TMEM181: variants seen among roughly 807,000 people sequenced by gnomAD.
TMEM181 encodes the protein G protein-coupled receptor 178.
TMEM181 carries 39 observed loss-of-function variants against 71.9 expected under a neutral mutation model. The observed-to-expected ratio is 0.54, with a 90% confidence interval of 0.42 to 0.71. The LOEUF is 0.71. Ranked by LOEUF, TMEM181 falls within the 30% of genes least tolerant of loss-of-function variation. The pLI is 0.00. For missense variants in TMEM181, 595 were observed against 583.0 expected (o/e 1.02, Z -0.21); for synonymous variants, 245 against 228.8 (o/e 1.07, Z -0.64).
chr6:158,549,717 G>A (rs1237158683), intron 1 of TMEM181, among the ~76,000 whole-genome samples: 2 of 152,316 alleles, frequency 1.3e-5, no homozygotes, highest in Non-Finnish European at 2.9e-5. Context: ...ATTGCTTTGA[G>A]ATAATTATTT....
chr6:158,603,450 C>T (rs1461205383), intron 6 of TMEM181, among the ~76,000 whole-genome samples: 1 of 152,200 alleles, frequency 6.6e-6, no homozygotes, highest in East Asian at 1.9e-4. Context: ...TGCTCGCTGG[C>T]CCACTGCTCA....
intron 1 of TMEM181, among the ~76,000 whole-genome samples, chr6:158,570,289 G>T (rs1441699421): frequency 6.6e-6 from 1 of 150,728 alleles, no homozygotes; most frequent in Admixed American, 6.6e-5. Context: ...CTGGGGTGCA[G>T]TGGTGCAATC....
chr6:158,564,793 C>T lies in TMEM181; in HGVS notation c.8+4561C>T, dbSNP rs78650598. On this transcript the variant is annotated intron_variant, in intron 1 of 16. Coordinates refer to ENST00000684151, the MANE Select transcript of TMEM181 (RefSeq NM_001376852.1). ...GGAGCCAGGCTGTCAGGCAACAGGC[C>T]GGCATTTTGGGCCAAAGGAGAAGAG... Among the ~76,000 whole-genome samples, 23 of 152,190 alleles carry T rather than the reference C, an allele frequency of 1.5e-4. No individual in the cohort carries two copies. The East Asian group carries it at 3.5e-3, about 23-fold the overall frequency.
intron 1 of TMEM181, among the ~76,000 whole-genome samples, chr6:158,543,520 G>A (rs946145755): frequency 1.3e-5 from 2 of 152,228 alleles, no homozygotes; most frequent in Admixed American, 6.5e-5. Context: ...CCAGAAGTCC[G>A]AAATCCAGGT....
chr6:158,560,748 A>C (rs1782118682), intron 1 of TMEM181, among the ~76,000 whole-genome samples: 1 of 151,598 alleles, frequency 6.6e-6, no homozygotes, highest in African/African-American at 2.4e-5. Flanking sequence ...CTGCCGCAAC[A>C]GCCCCTTTGG....
upstream of TMEM181, chr6:158,559,934 C>T: frequency 2.3e-6 from 1 of 442,884 alleles, no homozygotes; most frequent in Non-Finnish European, 3.0e-6. Flanking sequence ...CAGGGCTAGC[C>T]TGGGTGCTCC....
Position 158,573,521 on chromosome 6 carries a change from GA to G in TMEM181, c.111del (p.Gly38AspfsTer4). 6.2e-7 allele frequency: 1 copy of G among 1,602,382 alleles called. No individual in the cohort carries two copies. Among genetic ancestry groups the G allele is most frequent in the Non-Finnish European group, 8.5e-7 (1 of 1,174,554 alleles). On this transcript the variant is annotated frameshift_variant and splice_region_variant, in exon 2 of 17. Coordinates refer to ENST00000684151, the MANE Select transcript of TMEM181 (RefSeq NM_001376852.1). LOFTEE classifies it high-confidence loss of function. ...GGCCTGACCATCTTCGTTGGGATCA[GA>G]GGTAAGGTTCGGTTTTTACTCATTG... ...CFGLTIFVGI[R>X]GPKVIQTSAA...
At chr6:158,556,942 G>A (rs928923032), upstream of TMEM181, among the ~76,000 whole-genome samples, 4 of 151,982 alleles carry the variant, frequency 2.6e-5, no homozygotes, top group African/African-American at 9.7e-5. Flanking sequence ...TTTGTATTTT[G>A]TTGGCCAAGC....
chr6:158,592,052 T>G (rs546772383), intron 6 of TMEM181, among the ~76,000 whole-genome samples: 21 of 152,308 alleles, frequency 1.4e-4, no homozygotes, highest in Admixed American at 1.1e-3. Flanking sequence ...GAGCCTCATT[T>G]CTGGTGGCAC....
rs1253396640 is a variant in TMEM181 at position 158,634,453 on chromosome 6, T to C, written c.*2565T>C. On this transcript the variant is annotated 3_prime_UTR_variant, in exon 17 of 17. Coordinates refer to ENST00000684151, the MANE Select transcript of TMEM181 (RefSeq NM_001376852.1). ...TAAAGGGCTGACTTTAGTTCCTTCA[T>C]GGTAATGGCTTGAGTAACATCATCT... is the stretch of plus-strand genomic sequence containing the variant. 6.6e-6 allele frequency: 1 copy of C among 152,158 alleles called. No individual in the cohort carries two copies. Among genetic ancestry groups the C allele is most frequent in the East Asian group, 1.9e-4 (1 of 5,184 alleles). 9.4% of individuals were successfully genotyped at this position (152,158 alleles called of 1,614,324 possible).
chr6:158,577,320 G>T (rs971941668), intron 2 of TMEM181, among the ~76,000 whole-genome samples: 1 of 152,252 alleles, frequency 6.6e-6, no homozygotes, highest in South Asian at 2.1e-4. Flanking sequence ...TGAAAAGTAC[G>T]CTAGAGTGAT....
At chr6:158,623,022 T>G (rs372582553) in intron 10 of TMEM181, among the ~76,000 whole-genome samples, 2 of 152,306 alleles carry the variant, frequency 1.3e-5, no homozygotes, top group East Asian at 3.9e-4. Flanking sequence ...ACGGAGTAGC[T>G]CCGTTTCCAG....
chr6:158,607,407 C>T (rs1295730429), intron 8 of TMEM181, 64 bp downstream of exon 8: 16 of 1,479,902 alleles, frequency 1.1e-5, no homozygotes, highest in Non-Finnish European at 1.3e-5. Context: ...AGGCCAGGTG[C>T]AGGGTTGTGC....
At position 158,595,405 on chromosome 6, in the gene TMEM181, G is replaced by GCAGAGC. The variant is rs1180800651; in HGVS notation, c.492+5625_492+5630dup. ...TGAAGCTGGCAAGGATGTGGGGCAG[G>GCAGAGC]CAGAGCCCTTGCCCCCTGCTGGGGA... On this transcript the variant is annotated intron_variant, in intron 6 of 16. Coordinates refer to ENST00000684151, the MANE Select transcript of TMEM181 (RefSeq NM_001376852.1). Among the ~76,000 whole-genome samples, 7 of 152,338 alleles carry GCAGAGC rather than the reference G, an allele frequency of 4.6e-5. No homozygotes were observed. The South Asian group carries it at 1.2e-3, about 27-fold the overall frequency.
At chr6:158,606,351 C>T (rs973224151) in intron 7 of TMEM181, among the ~76,000 whole-genome samples, 10 of 152,226 alleles carry the variant, frequency 6.6e-5, no homozygotes, top group African/African-American at 2.2e-4. Flanking sequence ...TCTCAGGGCT[C>T]CCGCAGTGAG....
rs1786766240 is a variant in TMEM181, at chr6:158,633,381, T to C, written c.*1493T>C. ...GTCAGGGACTCCATATAGAGTCTCATGTGGACGTCTCCCGTGCTTTCCTCT... is the reference window on the plus strand; with the variant it reads ...GTCAGGGACTCCATATAGAGTCTCACGTGGACGTCTCCCGTGCTTTCCTCT... On this transcript the variant is annotated 3_prime_UTR_variant, in exon 17 of 17. Coordinates refer to ENST00000684151, the MANE Select transcript of TMEM181 (RefSeq NM_001376852.1). 6.6e-6 allele frequency: 1 copy of C among 152,190 alleles called. No individual in the cohort carries two copies. The highest frequency in any genetic ancestry group is 2.1e-4 in the South Asian group (1 of 4,830). 9.4% of individuals were successfully genotyped at this position (152,190 alleles called of 1,614,324 possible).
chr6:158,565,235 G>A (rs1196149990), intron 1 of TMEM181, among the ~76,000 whole-genome samples: 1 of 152,194 alleles, frequency 6.6e-6, no homozygotes, highest in East Asian at 1.9e-4. Flanking sequence ...GAGTGCTTGC[G>A]GACTGCTCGC....
At chr6:158,586,443 T>G (rs1783778647) in intron 5 of TMEM181, among the ~76,000 whole-genome samples, 1 of 152,208 alleles carries the variant, frequency 6.6e-6, no homozygotes, top group Admixed American at 6.5e-5. Flanking sequence ...GGCAAGTCCA[T>G]GAAGTAGAAA....
intron 10 of TMEM181, among the ~76,000 whole-genome samples, chr6:158,612,119 C>T (rs988158961): frequency 4.6e-5 from 7 of 152,128 alleles, no homozygotes; most frequent in East Asian, 1.9e-4. Flanking sequence ...GTGTGAAGTT[C>T]GGTGGTTACC....
Sources: gnomAD v4.1 joint callset for allele counts (sites outside exome capture counted in the v4.1 genomes callset) on GRCh38, gnomAD v4.1.1 for gene constraint, MANE v1.5 for transcripts, NCBI Gene and HGNC (gene_info 2026-07-23, HGNC 2026-07-21) for gene names.